Variants in EPB41L4A observed in about 807,000 individuals in gnomAD.
EPB41L4A encodes erythrocyte membrane protein band 4.1 like 4A.
EPB41L4A carries 100 observed loss-of-function variants against 108.6 expected under a neutral mutation model. The observed-to-expected ratio is 0.92, with a 90% CI of 0.78 to 1.09. The LOEUF (loss-of-function observed/expected upper bound fraction) is 1.09, where lower values mean the gene tolerates loss of function less well. Among genes scored for constraint, EPB41L4A ranks in the 50% least tolerant of loss-of-function variants. EPB41L4A has a pLI of 0.00. For missense variants in EPB41L4A, 1,030 were observed against 842.7 expected, an observed-to-expected ratio of 1.22 and a Z score of -2.75; for synonymous variants, 319 against 289.0, an observed-to-expected ratio of 1.10 and a Z score of -1.05.
intron 17 of EPB41L4A, among the ~76,000 whole-genome samples, chr5:112,191,847 T>G (rs1244970581): frequency 2.0e-5 from 3 of 152,096 alleles, no homozygotes; most frequent in Non-Finnish European, 4.4e-5. Flanking sequence ...TCCCTCTCCA[T>G]AGGCTACAGT....
At chr5:112,149,026 C>T (rs902583933) in intron 12 of EPB41L4A, among the ~76,000 whole-genome samples, 5 of 152,158 alleles carry the variant, frequency 3.3e-5, no homozygotes, top group African/African-American at 9.7e-5. Flanking sequence ...GGAGTTAATA[C>T]TCCTTCACTA....
intron 1 of EPB41L4A, chr5:112,392,851 C>T (rs1218797383): frequency 3.3e-5 from 5 of 152,178 alleles, no homozygotes; most frequent in African/African-American, 9.6e-5. Flanking sequence ...TAAAGCACTC[C>T]TCAGCAAATG....
At chr5:112,216,920 C>T (rs535800557) in intron 12 of EPB41L4A, among the ~76,000 whole-genome samples, 4 of 152,002 alleles carry the variant, frequency 2.6e-5, no homozygotes, top group Non-Finnish European at 4.4e-5. Flanking sequence ...CCACAAATTA[C>T]GGCCAAATAG....
At chr5:112,330,936 C>T (rs570264060) in intron 1 of EPB41L4A, among the ~76,000 whole-genome samples, 1 of 152,250 alleles carries the variant, frequency 6.6e-6, no homozygotes, top group South Asian at 2.1e-4. Context: ...AACTTCAGTA[C>T]TGTTTCCATT....
rs200595173 is a variant in EPB41L4A at position 112,205,497 on chromosome 5, T to G, written c.1186A>C (p.Lys396Gln). The G allele has an allele frequency of 4.4e-6, 7 of 1,603,132 alleles. No individual in the cohort carries two copies. Among genetic ancestry groups the G allele is most frequent in the Non-Finnish European group, 5.1e-6 (6 of 1,175,840 alleles). Residue 396 changes from lysine (K) to glutamine (Q), a missense_variant, in exon 14 of 23, where the codon AAA becomes CAA. Lys to Gln is a moderately conservative substitution (Grantham distance 53). Coordinates refer to ENST00000261486, the MANE Select transcript of EPB41L4A (RefSeq NM_022140.5). ...TCAGGGCTATTTTCATTCTTTGCTTTCTTAAAGCTTTAATTTTAAAAAAAA... is the reference window on the plus strand; with the variant it reads ...TCAGGGCTATTTTCATTCTTTGCTTGCTTAAAGCTTTAATTTTAAAAAAAA... ...IAPSPVKSFK[K>Q]AKNENSPDTQ...
chr5:112,315,324 T>C lies in EPB41L4A; in HGVS notation c.100-7834A>G, dbSNP rs542904525. ...TTCTGTTAACTTTCCTACTTATGTT[T>C]AGACATTTGGAAAGCATGTGCTGAG... On this transcript the variant is annotated intron_variant, in intron 1 of 22. Transcript: ENST00000261486. Among the ~76,000 whole-genome samples the C allele has an allele frequency of 1.6e-4, 24 of 152,342 alleles. No homozygotes were observed. The South Asian group carries it at 2.9e-3, about 18-fold the overall frequency.
At chr5:112,333,137 A>G (rs1182269119) in intron 1 of EPB41L4A, among the ~76,000 whole-genome samples, 1 of 151,712 alleles carries the variant, frequency 6.6e-6, no homozygotes, top group Non-Finnish European at 1.5e-5. Flanking sequence ...ATCTTTCTCT[A>G]TCGGTTTAAA....
intron 1 of EPB41L4A, among the ~76,000 whole-genome samples, chr5:112,396,038 G>C (rs551767133): frequency 4.6e-5 from 7 of 152,228 alleles, no homozygotes; most frequent in South Asian, 4.1e-4. Context: ...TCATAGGTGG[G>C]AACTGAACAA....
chr5:112,161,018 C>T (rs369210424), downstream of EPB41L4A: 189 of 156,406 alleles, frequency 1.2e-3, 1 homozygote, highest in African/African-American at 4.2e-3. Flanking sequence ...GGCCTGTGTC[C>T]GAAGTGTCCG....
intron 1 of EPB41L4A, among the ~76,000 whole-genome samples, chr5:112,331,711 C>T (rs72781686): frequency 0.061 from 9,225 of 152,214 alleles, 312 homozygotes; most frequent in Non-Finnish European, 0.068. Flanking sequence ...GCAGGATCTT[C>T]GCAAGTCCAG....
chr5:112,341,888 T>C (rs1233099176), intron 1 of EPB41L4A, among the ~76,000 whole-genome samples: 4 of 152,156 alleles, frequency 2.6e-5, no homozygotes, highest in Non-Finnish European at 4.4e-5. Context: ...TTTTGGACAG[T>C]AATCCCAAAT....
intron 3 of EPB41L4A, among the ~76,000 whole-genome samples, chr5:112,278,747 C>T (rs1005900709): frequency 2.4e-4 from 37 of 151,434 alleles, no homozygotes; most frequent in African/African-American, 9.0e-4. Flanking sequence ...ATAAAAGAAA[C>T]CTGTGAGTTT....
In EPB41L4A at chr5:112,163,915, A is replaced by C. The variant is rs756841888; in HGVS notation, c.*1075T>G. On this transcript the variant is annotated 3_prime_UTR_variant, in exon 23 of 23. Transcript: ENST00000261486. ...GCATCCAAAGCACAGGTGGAGAGAC[A>C]AAAAGGTTAGGGCTGCTGGCAGCTG... 6.6e-6 allele frequency: 1 copy of C among 152,586 alleles called. No homozygotes were observed. Among genetic ancestry groups the C allele is most frequent in the East Asian group, 1.9e-4 (1 of 5,188 alleles). 9.5% of individuals were successfully genotyped at this position (152,586 alleles called of 1,614,324 possible).
At chr5:112,242,479 G>A (rs901138520) in intron 9 of EPB41L4A, among the ~76,000 whole-genome samples, 11 of 152,048 alleles carry the variant, frequency 7.2e-5, no homozygotes, top group East Asian at 3.9e-4. Flanking sequence ...TATTTCTACC[G>A]CATCTGCAGT....
intron 18 of EPB41L4A, among the ~76,000 whole-genome samples, chr5:112,171,400 G>C (rs922788682): frequency 6.6e-6 from 1 of 152,174 alleles, no homozygotes; most frequent in Admixed American, 6.5e-5. Flanking sequence ...GATTACCTAG[G>C]AGAAGCAACC....
intron 9 of EPB41L4A, among the ~76,000 whole-genome samples, chr5:112,252,768 G>T (rs911888225): frequency 6.6e-6 from 1 of 151,796 alleles, no homozygotes; most frequent in African/African-American, 2.4e-5. Flanking sequence ...GGGATCATTA[G>T]GACCCCAAGC....
At chr5:112,368,117 C>T (rs1180944927) in intron 1 of EPB41L4A, among the ~76,000 whole-genome samples, 1 of 152,212 alleles carries the variant, frequency 6.6e-6, no homozygotes, top group Non-Finnish European at 1.5e-5. Context: ...AAAGGAAACA[C>T]ATTTTCTCGT....
At chr5:112,179,441 C>T (rs1183778734) in intron 18 of EPB41L4A, among the ~76,000 whole-genome samples, 1 of 151,964 alleles carries the variant, frequency 6.6e-6, no homozygotes, top group African/African-American at 2.4e-5. Context: ...CAAGGTAATG[C>T]CAAATAGAAT....
At chr5:112,298,321 T>C (rs1754142427) in intron 2 of EPB41L4A, among the ~76,000 whole-genome samples, 1 of 152,184 alleles carries the variant, frequency 6.6e-6, no homozygotes, top group Non-Finnish European at 1.5e-5. Context: ...GGCTGTGGGT[T>C]TGTCATAGAT....
Sources: allele counts gnomAD v4.1 joint callset (sites outside exome capture counted in the v4.1 genomes callset), GRCh38; gene constraint gnomAD v4.1.1; transcripts MANE v1.5; gene names NCBI Gene and HGNC (gene_info 2026-07-23, HGNC 2026-07-21).